The following DUSP5 variants were observed in gnomAD, a reference collection of about 807,000 sequenced individuals.
The protein encoded by DUSP5 is dual specificity phosphatase 5.
DUSP5 carries 22 observed loss-of-function variants against 33.6 expected under a neutral mutation model. The ratio of observed to expected loss-of-function variants is 0.66; its 90% CI spans 0.47 to 0.94. DUSP5 has a LOEUF of 0.94. Ranked by LOEUF, DUSP5 falls within the 40% of genes least tolerant of loss-of-function variation. The pLI, the probability that DUSP5 is intolerant of heterozygous loss-of-function variation, is 0.00. For missense variants in DUSP5, 551 were observed against 522.1 expected, an observed-to-expected ratio of 1.06 and a Z score of -0.54; for synonymous variants, 270 against 231.1, an observed-to-expected ratio of 1.17 and a Z score of -1.53.
chr10:110,501,859 C>T (rs765472731), intron 1 of DUSP5, among the ~76,000 whole-genome samples: 59 of 151,846 alleles, frequency 3.9e-4, no homozygotes, highest in Non-Finnish European at 7.9e-4. Context: ...TGCAAGTTTC[C>T]GTGACTTGCT....
chr10:110,498,589 C>A, intron 1 of DUSP5, 89 bp downstream of exon 1: 1 of 1,323,780 alleles, frequency 7.6e-7, no homozygotes, highest in Non-Finnish European at 9.6e-7. Context: ...ACCCTGGGAC[C>A]GGGAGAGTCA....
intron 2 of DUSP5, among the ~76,000 whole-genome samples, chr10:110,504,351 T>G (rs1860093779): frequency 6.6e-6 from 1 of 152,252 alleles, no homozygotes; most frequent in Admixed American, 6.5e-5. Context: ...TTGGGGTTTC[T>G]GAAGGCCTTT....
chr10:110,510,151 A>G lies in DUSP5; in HGVS notation c.880A>G (p.Lys294Glu). ...CCTGAAGGAGGCCTTCGATTACATC[A>G]AGCAGAGGAGGAGCATGGTCTCGCC... Reference protein sequence around the residue: ...FRLKEAFDYIKQRRSMVSPNF... With the variant: ...FRLKEAFDYIEQRRSMVSPNF... The change falls in exon 4 of 4, where the codon AAG (lysine) becomes GAG (glutamate). Residue 294 changes from lysine (K) to glutamate (E), a missense_variant. By Grantham distance (56) the Lys-to-Glu change is moderately conservative. Around this residue, in one of 3 missense-constraint regions of DUSP5, gnomAD observed 158 missense variants for 181.8 expected, o/e 0.87. Coordinates refer to ENST00000369583, the MANE Select transcript of DUSP5 (RefSeq NM_004419.4). The G allele has an allele frequency of 1.2e-6, 2 of 1,614,218 alleles. No individual in the cohort carries two copies. Among genetic ancestry groups the G allele is most frequent in the Non-Finnish European group, 1.7e-6 (2 of 1,180,022 alleles).
chr10:110,506,260 T>C (rs917267487), intron 2 of DUSP5, among the ~76,000 whole-genome samples: 2 of 151,938 alleles, frequency 1.3e-5, no homozygotes, highest in Non-Finnish European at 1.5e-5. Flanking sequence ...CAAGAACTCA[T>C]CTCTACCAAA....
At chr10:110,503,691 A>G (rs372586202) in intron 2 of DUSP5, among the ~76,000 whole-genome samples, 2 of 152,178 alleles carry the variant, frequency 1.3e-5, no homozygotes, top group Admixed American at 6.5e-5. Flanking sequence ...GAGATGATTG[A>G]TTTTGCAGAG....
At chr10:110,505,286 T>C (rs1047015068) in intron 2 of DUSP5, among the ~76,000 whole-genome samples, 2 of 152,206 alleles carry the variant, frequency 1.3e-5, no homozygotes, top group Non-Finnish European at 2.9e-5. Flanking sequence ...ATTAAATGCA[T>C]CTGAGCCTCA....
At position 110,498,276 on chromosome 10, in the gene DUSP5, T is replaced by C. The variant is rs1178987358; in HGVS notation, c.155T>C (p.Leu52Pro). 3.4e-6 allele frequency: 5 copies of C among 1,466,358 alleles called. No homozygotes were observed. The highest frequency in any genetic ancestry group is 1.5e-5 in the African/African-American group (1 of 68,136). 90.8% of individuals were successfully genotyped at this position (1,466,358 alleles called of 1,614,324 possible). ...SLNVNLNSVV[L>P]RRARGGAVSA... ...AACGTCAACCTCAACTCGGTGGTGC[T>C]GCGGCGGGCCCGGGGCGGCGCGGTG... Residue 52 changes from leucine (L) to proline (P), a missense_variant, in exon 1 of 4, where the codon CTG becomes CCG. Around this residue, in one of 3 missense-constraint regions of DUSP5, gnomAD observed 381 missense variants for 310.4 expected, o/e 1.23. Transcript: ENST00000369583.
intron 2 of DUSP5, among the ~76,000 whole-genome samples, chr10:110,504,990 C>T (rs1040870502): frequency 5.3e-5 from 8 of 152,304 alleles, no homozygotes; most frequent in South Asian, 2.1e-4. Context: ...TGTCTGACGC[C>T]CAAGCCCAGG....
intron 3 of DUSP5, 102 bp downstream of exon 3, chr10:110,507,256 G>A (rs1323602361): frequency 3.7e-5 from 46 of 1,252,864 alleles, no homozygotes; most frequent in Admixed American, 1.1e-4. Flanking sequence ...TGAAAGAAAA[G>A]TGTCTTGTAT....
chr10:110,498,370 C>G lies in DUSP5; in HGVS notation c.249C>G (p.Val83=). Residue 83 remains valine, a synonymous_variant, in exon 1 of 4, where the codon GTC becomes GTG. Transcript: ENST00000369583. ...ARLLQEGGGG[V]AAVVVLDQGS... ...TCCTGCAGGAGGGCGGCGGCGGCGTCGCGGCCGTGGTGGTGCTGGACCAGG... is the reference window on the plus strand; with the variant it reads ...TCCTGCAGGAGGGCGGCGGCGGCGTGGCGGCCGTGGTGGTGCTGGACCAGG... 1 of 1,412,400 alleles carries G rather than the reference C, an allele frequency of 7.1e-7. No homozygotes were observed. The highest frequency in any genetic ancestry group is 9.2e-7 in the Non-Finnish European group (1 of 1,082,494). 87.5% of individuals were successfully genotyped at this position (1,412,400 alleles called of 1,614,324 possible).
chr10:110,506,556 T>C (rs1419208532), intron 2 of DUSP5, among the ~76,000 whole-genome samples: 1 of 152,234 alleles, frequency 6.6e-6, no homozygotes, highest in African/African-American at 2.4e-5. Context: ...GCATAGGAGA[T>C]TGCCCTGGTA....
Position 110,498,191 on chromosome 10 carries a change from G to C in DUSP5, c.70G>C (p.Val24Leu). ...MLRKEAAARC[V>L]VLDCRPYLAF... ...CCGCAAGGAGGCGGCGGCGCGCTGCGTGGTGCTCGACTGCCGGCCCTATCT... is the reference window on the plus strand; with the variant it reads ...CCGCAAGGAGGCGGCGGCGCGCTGCCTGGTGCTCGACTGCCGGCCCTATCT... Residue 24 changes from valine (V) to leucine (L), a missense_variant, in exon 1 of 4, where the codon GTG (valine) becomes CTG (leucine). Physicochemically the swap from Val to Leu is conservative, Grantham distance 32. Around this residue, in one of 3 missense-constraint regions of DUSP5, gnomAD observed 381 missense variants for 310.4 expected, o/e 1.23. Coordinates refer to ENST00000369583, the MANE Select transcript of DUSP5 (RefSeq NM_004419.4). 7 of 1,499,970 alleles carry C rather than the reference G, an allele frequency of 4.7e-6. No individual in the cohort carries two copies. The highest frequency in any genetic ancestry group is 6.2e-6 in the Non-Finnish European group (7 of 1,124,182). The allele number at this position is 1,499,970 out of a possible 1,614,324, so 92.9% of individuals were successfully genotyped here.
intron 1 of DUSP5, among the ~76,000 whole-genome samples, chr10:110,498,964 T>C (rs984689302): frequency 2.0e-5 from 3 of 152,184 alleles, no homozygotes; most frequent in Non-Finnish European, 4.4e-5. Flanking sequence ...AGCTGTGGTC[T>C]TCACCGACCC....
At chr10:110,499,512 A>G (rs913892129) in intron 1 of DUSP5, among the ~76,000 whole-genome samples, 4 of 141,292 alleles carry the variant, frequency 2.8e-5, no homozygotes, top group African/African-American at 1.0e-4. Flanking sequence ...GGGATGTAAC[A>G]GTGTTGGGGA....
intron 2 of DUSP5, chr10:110,503,493 G>A (rs779847490): frequency 6.6e-6 from 1 of 152,164 alleles, no homozygotes; most frequent in African/African-American, 2.4e-5. Flanking sequence ...GTAAACTAGT[G>A]AGTTTTTGTT....
chr10:110,498,620 C>T (rs912440367), intron 1 of DUSP5, 120 bp downstream of exon 1: 3 of 1,278,200 alleles, frequency 2.3e-6, no homozygotes, highest in African/African-American at 1.5e-5. Flanking sequence ...GAGTCTGCAC[C>T]CTGTGGCTTG....
At chr10:110,505,190 A>G (rs1162684739) in intron 2 of DUSP5, among the ~76,000 whole-genome samples, 1 of 152,252 alleles carries the variant, frequency 6.6e-6, no homozygotes, top group Non-Finnish European at 1.5e-5. Flanking sequence ...AAATGGAGTC[A>G]GACAAGGCCT....
chr10:110,506,704 C>T (rs1488471241), intron 2 of DUSP5, among the ~76,000 whole-genome samples: 1 of 152,170 alleles, frequency 6.6e-6, no homozygotes, highest in Non-Finnish European at 1.5e-5. Flanking sequence ...GAACTCTTTG[C>T]TGTGTGGATT....
At chr10:110,505,090 A>G (rs886476911) in intron 2 of DUSP5, among the ~76,000 whole-genome samples, 2 of 152,192 alleles carry the variant, frequency 1.3e-5, no homozygotes, top group Non-Finnish European at 2.9e-5. Flanking sequence ...GCAGATGGAC[A>G]TTTTATCTCT....
Sources: allele counts gnomAD v4.1 joint callset (sites outside exome capture counted in the v4.1 genomes callset), GRCh38; gene constraint gnomAD v4.1.1; regional missense constraint gnomAD v4.1.1; transcripts MANE v1.5; gene names NCBI Gene and HGNC (gene_info 2026-07-23, HGNC 2026-07-21).